Variants in STAT3 observed in about 807,000 individuals in gnomAD.
STAT3 encodes signal transducer and activator of transcription 3.
STAT3 carries 7 observed loss-of-function variants against 114.3 expected under a neutral mutation model. The observed-to-expected ratio is 0.06, with a 90% CI of 0.03 to 0.11. The LOEUF is 0.11. Ranked by LOEUF, STAT3 falls within the 10% of genes least tolerant of loss-of-function variation. STAT3 has a pLI of 1.00. For missense variants in STAT3, 364 were observed against 960.9 expected (o/e 0.38, Z 8.21); for synonymous variants, 331 against 354.5 (o/e 0.93, Z 0.74).
At chr17:42,354,010 A>G (rs2083100461) in intron 1 of STAT3, among the ~76,000 whole-genome samples, 1 of 152,168 alleles carries the variant, frequency 6.6e-6, no homozygotes, top group South Asian at 2.1e-4. Context: ...GGGGTCATGC[A>G]TGAATATTTG....
chr17:42,323,887 T>C (rs1185631027), intron 17 of STAT3, among the ~76,000 whole-genome samples: 2 of 152,148 alleles, frequency 1.3e-5, no homozygotes, highest in African/African-American at 2.4e-5. Context: ...CCTCGGGTGG[T>C]AGGCTGGGAA....
chr17:42,388,417 T>G lies in STAT3; in HGVS notation c.-162A>C, dbSNP rs886052945. 8.1e-7 allele frequency: 1 copy of G among 1,231,562 alleles called. No homozygotes were observed. The highest frequency in any genetic ancestry group is 4.1e-5 in the South Asian group (1 of 24,346). The allele number at this position is 1,231,562 out of a possible 1,614,324, so 76.3% of individuals were successfully genotyped here. On this transcript the variant is annotated 5_prime_UTR_variant, in exon 1 of 24. Coordinates refer to ENST00000264657, the MANE Select transcript of STAT3 (RefSeq NM_139276.3). ...GCCGGGGTGCCTGTCCAGGATCCGG[T>G]TGGGGCTTGTTCCCTCGGCTGCGAC...
chr17:42,382,745 C>T (rs953451412), intron 1 of STAT3, among the ~76,000 whole-genome samples: 41 of 151,886 alleles, frequency 2.7e-4, no homozygotes, highest in African/African-American at 9.7e-4. Flanking sequence ...CTCCAGGACT[C>T]ATGCCATTCT....
Position 42,337,661 on chromosome 17 carries a change from G to C in STAT3, c.646-75C>G. ...TAACCACATTCTTTAGTCAACTCCA[G>C]AGCAGGAACTTCTTAGAAACCAAGC... On this transcript the variant is annotated intron_variant, in intron 7 of 23. Transcript: ENST00000264657. The surrounding 1 kb of genome is among the most constrained non-coding windows in gnomAD (Gnocchi z 4.0). The C allele has an allele frequency of 6.2e-7, 1 of 1,613,822 alleles. No homozygotes were observed. The highest frequency in any genetic ancestry group is 8.5e-7 in the Non-Finnish European group (1 of 1,179,786).
In STAT3 at chr17:42,326,111, C is replaced by A. The variant is rs1188364787; in HGVS notation, c.1365+5G>T. 1 of 1,613,950 alleles carries A rather than the reference C, an allele frequency of 6.2e-7. No homozygotes were observed. The highest frequency in any genetic ancestry group is 1.3e-5 in the African/African-American group (1 of 75,034). ...GCCTCTCACCGATTCTGCTGCAGAA[C>A]TTACCTCTAGGTCAATCTTGAGGCC... On this transcript the variant is annotated splice_donor_5th_base_variant and intron_variant, in intron 15 of 23. Transcript: ENST00000264657.
chr17:42,361,670 C>G (rs1176283058), intron 1 of STAT3, among the ~76,000 whole-genome samples: 1 of 152,036 alleles, frequency 6.6e-6, no homozygotes, highest in East Asian at 1.9e-4. Context: ...TAGCCCAGAA[C>G]TAGCAAATAA....
intron 1 of STAT3, among the ~76,000 whole-genome samples, chr17:42,371,185 G>GT (rs1288834513): frequency 1.6e-4 from 25 of 152,134 alleles, no homozygotes; most frequent in Non-Finnish European, 3.4e-4. Flanking sequence ...AAGTCAGACA[G>GT]GGAGAGAGGC....
chr17:42,370,769 ATTT>A (rs544951035), intron 1 of STAT3, among the ~76,000 whole-genome samples: 1 of 134,144 alleles, frequency 7.5e-6, no homozygotes. Context: ...CACCCAGCTA[ATTT>A]TTTTTTTTTT....
Position 42,342,507 on chromosome 17 carries a change from C to G in STAT3, c.372+3052G>C, listed in dbSNP as rs143590616. On this transcript the variant is annotated intron_variant, in intron 4 of 23. Coordinates refer to ENST00000264657, the MANE Select transcript of STAT3 (RefSeq NM_139276.3). ...CAAAAGAAAAAAAAAAAATTCTTCA[C>G]TGGGTCCCCATTTCCTACAGTAATG... 1.9e-3 allele frequency among the ~76,000 whole-genome samples: 290 copies of G among 151,666 alleles called. 1 individual carries two copies. Among genetic ancestry groups the G allele is most frequent in the African/African-American group, 6.8e-3 (280 of 41,318 alleles).
chr17:42,316,446 T>C (rs1382146641), intron 23 of STAT3: 7 of 414,420 alleles, frequency 1.7e-5, no homozygotes, highest in Non-Finnish European at 3.2e-5. Context: ...CTCGAACTCC[T>C]GACCTCAAGT....
Position 42,333,895 on chromosome 17 carries a change from T to C in STAT3, c.952A>G (p.Lys318Glu), listed in dbSNP as rs1002835395. ...RIVELFRNLM[K>E]SAFVVERQPC... ...GGGACAAGGATGCTAAATTACCTTT[T>C]CATTAAGTTTCTAAACAGCTCCACG... Residue 318 changes from lysine to glutamate, a missense_variant, in exon 9 of 24, where the codon AAA becomes GAA. Coordinates refer to ENST00000264657, the MANE Select transcript of STAT3 (RefSeq NM_139276.3). The surrounding 1 kb of genome is among the most constrained non-coding windows in gnomAD (Gnocchi z 5.2). 1 of 1,614,102 alleles carries C rather than the reference T, an allele frequency of 6.2e-7. No homozygotes were observed. Among genetic ancestry groups the C allele is most frequent in the Non-Finnish European group, 8.5e-7 (1 of 1,180,060 alleles).
intron 2 of STAT3, among the ~76,000 whole-genome samples, 200 bp from the exon 3 acceptor site, chr17:42,346,913 G>A (rs1215434333): frequency 6.6e-6 from 1 of 152,054 alleles, no homozygotes; most frequent in African/African-American, 2.4e-5. Flanking sequence ...TCCAGGCCAG[G>A]CATGGTGGCT....
At position 42,337,432 on chromosome 17, in the gene STAT3, T is replaced by C; in HGVS notation, c.797+3A>G. 1.2e-6 allele frequency: 2 copies of C among 1,613,878 alleles called. No homozygotes were observed. The highest frequency in any genetic ancestry group is 1.7e-6 in the Non-Finnish European group (2 of 1,179,756). ...GAAAGGAAAAGCTTCTTTCATCCTT[T>C]ACCAGTTTTCTAGCCGATCTAGGCA... On this transcript the variant is annotated splice_donor_region_variant and intron_variant, in intron 8 of 23. Coordinates refer to ENST00000264657, the MANE Select transcript of STAT3 (RefSeq NM_139276.3). The surrounding 1 kb of genome is among the most constrained non-coding windows in gnomAD (Gnocchi z 4.0).
chr17:42,329,861 T>C (rs367731309), intron 11 of STAT3, 85 bp from the exon 12 acceptor site: 13 of 1,452,586 alleles, frequency 8.9e-6, no homozygotes, highest in Middle Eastern at 2.0e-4. Context: ...TTTACTGTCA[T>C]GAAAAAACCT....
chr17:42,345,817 C>T (rs3736161), intron 3 of STAT3, among the ~76,000 whole-genome samples, 160 bp from the exon 4 acceptor site: 3 of 150,394 alleles, frequency 2.0e-5, no homozygotes, highest in Non-Finnish European at 3.0e-5. Flanking sequence ...TCTCTGTCGG[C>T]GGGGGGCGAA....
intron 1 of STAT3, among the ~76,000 whole-genome samples, chr17:42,368,179 T>C (rs1297211070): frequency 6.6e-6 from 1 of 151,924 alleles, no homozygotes; most frequent in African/African-American, 2.4e-5. Flanking sequence ...TCTAAAAACA[T>C]AAAAATAAAA....
At chr17:42,369,945 G>A (rs2084015056) in intron 1 of STAT3, among the ~76,000 whole-genome samples, 1 of 151,838 alleles carries the variant, frequency 6.6e-6, no homozygotes, top group South Asian at 2.1e-4. Flanking sequence ...ACAGATGTAA[G>A]TCACTGCACT....
At chr17:42,330,675 C>T (rs186109406) in intron 11 of STAT3, among the ~76,000 whole-genome samples, 5 of 152,008 alleles carry the variant, frequency 3.3e-5, no homozygotes, top group Admixed American at 6.5e-5. Context: ...GTGATCCGCC[C>T]GCCTCGGCCT....
chr17:42,336,969 AC>A (rs2082253805), intron 8 of STAT3, among the ~76,000 whole-genome samples: 1 of 151,924 alleles, frequency 6.6e-6, no homozygotes, highest in African/African-American at 2.4e-5. Flanking sequence ...TAAAGTAAAA[AC>A]TTTATTTTAT....
Sources: allele counts gnomAD v4.1 joint callset (sites outside exome capture counted in the v4.1 genomes callset), GRCh38; gene constraint gnomAD v4.1.1; non-coding constraint Gnocchi (gnomAD v3.1); transcripts MANE v1.5; gene names NCBI Gene and HGNC (gene_info 2026-07-23, HGNC 2026-07-21).